The following ZNF480 variants were observed in gnomAD, a reference collection of about 807,000 sequenced individuals.
The protein encoded by ZNF480 is zinc finger protein 480.
In ZNF480, 15 loss-of-function variants were observed where a neutral mutation model predicts 14.4. That is an observed-to-expected ratio of 1.04 (90% CI 0.70 to 1.60). The LOEUF is 1.60. Ranked by LOEUF, ZNF480 falls within the 40% of genes most tolerant of loss-of-function variation. The pLI, the probability that ZNF480 is intolerant of heterozygous loss-of-function variation, is 0.00. For synonymous variants in ZNF480, 218 were observed against 215.5 expected, an observed-to-expected ratio of 1.01 and a Z score of -0.10; for missense variants, 593 against 629.7, an observed-to-expected ratio of 0.94 and a Z score of 0.62.
chr19:52,310,030 A>T (rs1277369789), intron 2 of ZNF480, among the ~76,000 whole-genome samples: 3 of 150,832 alleles, frequency 2.0e-5, no homozygotes, highest in Non-Finnish European at 4.4e-5. Context: ...TCTTTTTTTT[A>T]AATTTATTTT....
intron 2 of ZNF480, among the ~76,000 whole-genome samples, chr19:52,306,062 A>G (rs1982914154): frequency 6.6e-6 from 1 of 152,128 alleles, no homozygotes; most frequent in African/African-American, 2.4e-5. Context: ...CAGTCCTGCC[A>G]TTGCCTGGGC....
Position 52,322,455 on chromosome 19 carries a change from A to G in ZNF480, c.1205A>G (p.Asn402Ser). ...IHTGEKPYKC[N>S]ECGKVFNQLS... ...ACAGGAGAGAAACCTTACAAATGTA[A>G]TGAATGTGGAAAAGTATTTAATCAA... Residue 402 changes from asparagine to serine, a missense_variant, in exon 5 of 5, where the codon AAT becomes AGT. Transcript: ENST00000595962. 6.2e-7 allele frequency: 1 copy of G among 1,614,082 alleles called. No individual in the cohort carries two copies. The highest frequency in any genetic ancestry group is 8.5e-7 in the Non-Finnish European group (1 of 1,179,984).
chr19:52,299,347 A>G (rs1002077075), intron 1 of ZNF480, among the ~76,000 whole-genome samples: 1 of 152,162 alleles, frequency 6.6e-6, no homozygotes, highest in East Asian at 1.9e-4. Context: ...CGCCTGGGTG[A>G]TCCGTAATTT....
At chr19:52,318,544 G>A (rs961947453) in intron 4 of ZNF480, among the ~76,000 whole-genome samples, 18 of 152,052 alleles carry the variant, frequency 1.2e-4, no homozygotes, top group South Asian at 2.1e-4. Context: ...ATAGTGCATC[G>A]TGTGTATATT....
intron 2 of ZNF480, 139 bp downstream of exon 2, chr19:52,300,623 C>G: frequency 2.1e-6 from 3 of 1,460,190 alleles, no homozygotes; most frequent in Non-Finnish European, 2.8e-6. Context: ...CCCTCAGTGC[C>G]GAGACCAGCT....
In ZNF480 at chr19:52,323,458, A is replaced by G. The variant is rs1983944312; in HGVS notation, c.*600A>G. 6.6e-6 allele frequency: 1 copy of G among 152,090 alleles called. No homozygotes were observed. The highest frequency in any genetic ancestry group is 6.6e-5 in the Admixed American group (1 of 15,224). 9.4% of individuals were successfully genotyped at this position (152,090 alleles called of 1,614,324 possible). A position where few individuals can be genotyped will look rare whatever the true frequency, so the allele number is the denominator to read the frequency against. ...CCTCCCTATCTGATTCTATGAGGCCAGCATCATTCTAATACCAAAACCTGA... is the reference window on the plus strand; with the variant it reads ...CCTCCCTATCTGATTCTATGAGGCCGGCATCATTCTAATACCAAAACCTGA... On this transcript the variant is annotated 3_prime_UTR_variant, in exon 5 of 5. Transcript: ENST00000595962.
intron 2 of ZNF480, among the ~76,000 whole-genome samples, chr19:52,310,213 G>A (rs1344235956): frequency 6.6e-6 from 1 of 151,804 alleles, no homozygotes; most frequent in Non-Finnish European, 1.5e-5. Context: ...CCACCACCAT[G>A]CCCAGCTAAT....
Position 52,324,054 on chromosome 19 carries a change from C to A in ZNF480, c.*1196C>A. 1 of 152,156 alleles carries A rather than the reference C, an allele frequency of 6.6e-6. No homozygotes were observed. Among genetic ancestry groups the A allele is most frequent in the East Asian group, 1.9e-4 (1 of 5,188 alleles). The allele number at this position is 152,156 out of a possible 1,614,324, so 9.4% of individuals were successfully genotyped here. A position where few individuals can be genotyped will look rare whatever the true frequency, so the allele number is the denominator to read the frequency against. The stretch of plus-strand genomic sequence containing the variant: ...ATTCTGTATTTAGAAAACCTGTTGT[C>A]TCTGCCCAAAGGCTCCTAGATCTGA... On this transcript the variant is annotated 3_prime_UTR_variant, in exon 5 of 5. Coordinates refer to ENST00000595962, the MANE Select transcript of ZNF480 (RefSeq NM_144684.4).
intron 1 of ZNF480, among the ~76,000 whole-genome samples, chr19:52,299,110 A>C (rs570404448): frequency 2.0e-5 from 3 of 152,174 alleles, no homozygotes; most frequent in African/African-American, 7.2e-5. Context: ...CACATTCCCT[A>C]TTCAGGCACA....
chr19:52,305,003 G>C (rs1982862322), intron 2 of ZNF480, among the ~76,000 whole-genome samples: 1 of 152,074 alleles, frequency 6.6e-6, no homozygotes, highest in Non-Finnish European at 1.5e-5. Context: ...GGAGGCTGAG[G>C]CAGGAGAATG....
chr19:52,320,744 T>C (rs536770844), intron 4 of ZNF480, among the ~76,000 whole-genome samples: 12 of 152,226 alleles, frequency 7.9e-5, no homozygotes, highest in African/African-American at 2.9e-4. Context: ...TGAGCTGAGA[T>C]TGCATCATTG....
At chr19:52,315,741 T>C in intron 3 of ZNF480, 93 bp from the exon 4 acceptor site, 8 of 1,415,248 alleles carry the variant, frequency 5.7e-6, no homozygotes, top group Non-Finnish European at 7.7e-6. Context: ...ATATTATTCT[T>C]GATTCATTTG....
chr19:52,315,272 T>C (rs971005327), intron 3 of ZNF480, among the ~76,000 whole-genome samples: 73 of 151,842 alleles, frequency 4.8e-4, no homozygotes, highest in African/African-American at 1.6e-3. Flanking sequence ...TGGCAAACTT[T>C]TCAGATACCC....
At chr19:52,308,125 C>T (rs181529533) in intron 2 of ZNF480, among the ~76,000 whole-genome samples, 3 of 151,998 alleles carry the variant, frequency 2.0e-5, no homozygotes, top group East Asian at 1.9e-4. Context: ...AGATGGGGTG[C>T]GGGCCCCATG....
chr19:52,322,632 G>GT lies in ZNF480; in HGVS notation c.1382_1383insT (p.Lys462GlnfsTer25). 1 of 1,614,046 alleles carries GT rather than the reference G, an allele frequency of 6.2e-7. No homozygotes were observed. Among genetic ancestry groups the GT allele is most frequent in the South Asian group, 1.1e-5 (1 of 91,086 alleles). ...AAGCCTTACAAATGTAGTGAATGTG[G>GT]CAAGGCATTCAGACACAAGTTATCA... is the stretch of plus-strand genomic sequence containing the variant. On this transcript the variant is annotated frameshift_variant, in exon 5 of 5. Coordinates refer to ENST00000595962, the MANE Select transcript of ZNF480 (RefSeq NM_144684.4). LOFTEE classifies it low-confidence loss of function (END_TRUNC).
chr19:52,310,768 A>G (rs1485067364), intron 2 of ZNF480, among the ~76,000 whole-genome samples: 1 of 151,920 alleles, frequency 6.6e-6, no homozygotes, highest in East Asian at 1.9e-4. Context: ...TGGGAGGCCG[A>G]GGCGGGTGGA....
At chr19:52,311,512 G>A (rs768900800) in intron 2 of ZNF480, among the ~76,000 whole-genome samples, 16 of 152,086 alleles carry the variant, frequency 1.1e-4, no homozygotes, top group Non-Finnish European at 2.2e-4. Flanking sequence ...ATTTAATAGA[G>A]ATTGGAGTTC....
chr19:52,316,078 A>C, intron 4 of ZNF480, 116 bp downstream of exon 4: 1 of 1,130,082 alleles, frequency 8.8e-7, no homozygotes, highest in Non-Finnish European at 1.2e-6. Context: ...TGTTTTTGAG[A>C]TGGAGTTTCA....
chr19:52,300,332 T>C, intron 1 of ZNF480, 62 bp from the exon 2 acceptor site: 3 of 1,555,306 alleles, frequency 1.9e-6, no homozygotes, highest in Non-Finnish European at 2.7e-6. Flanking sequence ...GTGTGTGTGA[T>C]TGTGGCACAG....
Sources: gnomAD v4.1 joint callset for allele counts (sites outside exome capture counted in the v4.1 genomes callset) on GRCh38, gnomAD v4.1.1 for gene constraint, MANE v1.5 for transcripts, NCBI Gene and HGNC (gene_info 2026-07-23, HGNC 2026-07-21) for gene names.